The following EYA4 variants were observed in gnomAD, a reference collection of about 807,000 sequenced individuals.
EYA4 encodes protein phosphatase EYA4.
A neutral mutation model predicts 87.9 loss-of-function variants in EYA4; 31 were observed. That is an observed-to-expected ratio of 0.35 (90% CI 0.27 to 0.48). EYA4 has a LOEUF of 0.48. Ranked by LOEUF, EYA4 falls within the 20% of genes least tolerant of loss-of-function variation. The pLI, the probability that EYA4 is intolerant of heterozygous loss-of-function variation, is 0.99. For synonymous variants in EYA4, 263 were observed against 270.6 expected (o/e 0.97, Z 0.28); for missense variants, 678 against 761.4 (o/e 0.89, Z 1.29).
intron 3 of EYA4, among the ~76,000 whole-genome samples, chr6:133,406,957 A>G (rs1788760949): frequency 6.6e-6 from 1 of 152,214 alleles, no homozygotes; most frequent in African/African-American, 2.4e-5. Flanking sequence ...TTTTTCTAGA[A>G]TAAAGTAAGC....
At chr6:133,382,261 G>C (rs1343690168) in intron 2 of EYA4, 131 bp from the exon 3 acceptor site, 7 of 760,488 alleles carry the variant, frequency 9.2e-6, no homozygotes, top group African/African-American at 5.1e-5. Context: ...ACTGTATGCT[G>C]CTGCTGTAAA....
chr6:133,356,398 CAT>C (rs1784034758), intron 2 of EYA4, among the ~76,000 whole-genome samples: 1 of 152,132 alleles, frequency 6.6e-6, no homozygotes, highest in African/African-American at 2.4e-5. Context: ...TATATGAATA[CAT>C]ATTTTGATGT....
chr6:133,499,835 TCTA>T (rs892457912), intron 13 of EYA4, among the ~76,000 whole-genome samples: 1 of 151,928 alleles, frequency 6.6e-6, no homozygotes, highest in African/African-American at 2.4e-5. Context: ...AAGCCACAGT[TCTA>T]CTCAGTGATC....
intron 3 of EYA4, among the ~76,000 whole-genome samples, chr6:133,386,128 A>G (rs1786727235): frequency 6.6e-6 from 1 of 152,180 alleles, no homozygotes; most frequent in Admixed American, 6.5e-5. Flanking sequence ...AAATGAATTT[A>G]TGAGAAAAAC....
rs79469822 is a variant in EYA4, at chr6:133,400,675, A to G, written c.83+18234A>G. On this transcript the variant is annotated intron_variant, in intron 3 of 19. Transcript: ENST00000355286. ...TCCCAGTCAATTAAAGGATAGTAAT[A>G]AAGTATAAAAATTATTATTGATTAC... Among the ~76,000 whole-genome samples the G allele has an allele frequency of 6.2e-3, 936 of 151,834 alleles. 7 individuals carry two copies. Among genetic ancestry groups the G allele is most frequent in the Non-Finnish European group, 0.011 (757 of 67,988 alleles).
At chr6:133,380,875 CTCT>C (rs138894232) in intron 2 of EYA4, among the ~76,000 whole-genome samples, 2,491 of 146,558 alleles carry the variant, frequency 0.017, 85 homozygotes, top group African/African-American at 0.057. Flanking sequence ...CCTCCTCCTC[CTCT>C]TCTTCTTCTT....
chr6:133,251,826 T>C (rs1474815794), intron 1 of EYA4, among the ~76,000 whole-genome samples: 2 of 152,176 alleles, frequency 1.3e-5, no homozygotes, highest in Non-Finnish European at 2.9e-5. Flanking sequence ...TTTGATATAG[T>C]CAAAAAACTC....
chr6:133,319,961 C>T (rs1027164435), intron 2 of EYA4, among the ~76,000 whole-genome samples: 4 of 152,108 alleles, frequency 2.6e-5, no homozygotes, highest in East Asian at 1.9e-4. Flanking sequence ...AATCCACCCA[C>T]CTCAGCCTTC....
intron 5 of EYA4, among the ~76,000 whole-genome samples, chr6:133,454,177 A>G (rs1312982369): frequency 6.6e-6 from 1 of 152,190 alleles, no homozygotes; most frequent in African/African-American, 2.4e-5. Flanking sequence ...AATTAGTATA[A>G]TAAAGCTACT....
At chr6:133,255,240 GT>G (rs552390371) in intron 1 of EYA4, among the ~76,000 whole-genome samples, 2,232 of 148,066 alleles carry the variant, frequency 0.015, 48 homozygotes, top group African/African-American at 0.052. Context: ...GCTAAAGCAA[GT>G]TTTTTTTTTT....
In EYA4 at chr6:133,328,727, C is replaced by A. The variant is rs1427001811; in HGVS notation, c.34-53665C>A. ...CAAACAAACAAACAAAAAAACCAGA[C>A]AAATGTATATATAAAGGGTTGTCTC... On this transcript the variant is annotated intron_variant, in intron 2 of 19. Coordinates refer to ENST00000355286, the MANE Select transcript of EYA4 (RefSeq NM_004100.5). Among the ~76,000 whole-genome samples the A allele has an allele frequency of 5.9e-5, 9 of 151,718 alleles. No individual in the cohort carries two copies. The South Asian group carries it at 1.9e-3, about 31-fold the overall frequency.
intron 1 of EYA4, among the ~76,000 whole-genome samples, chr6:133,273,845 T>A (rs1311156860): frequency 6.6e-6 from 1 of 152,054 alleles, no homozygotes; most frequent in East Asian, 1.9e-4. Context: ...CCCATTGTGT[T>A]TGGTATTTGC....
At chr6:133,499,297 G>A (rs372430876) in intron 13 of EYA4, among the ~76,000 whole-genome samples, 1 of 152,098 alleles carries the variant, frequency 6.6e-6, no homozygotes, top group Non-Finnish European at 1.5e-5. Context: ...GCCTCGTGAG[G>A]TGTGTGTATT....
chr6:133,465,216 T>A (rs1250451557), intron 10 of EYA4, among the ~76,000 whole-genome samples: 2 of 152,136 alleles, frequency 1.3e-5, no homozygotes, highest in African/African-American at 2.4e-5. Flanking sequence ...ATTAATTGGT[T>A]GAATCAATAT....
intron 3 of EYA4, among the ~76,000 whole-genome samples, chr6:133,411,520 A>G (rs1789230703): frequency 6.6e-6 from 1 of 151,624 alleles, no homozygotes; most frequent in African/African-American, 2.4e-5. Flanking sequence ...GGCACATTTA[A>G]TTTTCCATAT....
chr6:133,498,547 A>G (rs889510382), intron 13 of EYA4, among the ~76,000 whole-genome samples: 3 of 152,222 alleles, frequency 2.0e-5, no homozygotes, highest in Admixed American at 6.5e-5. Flanking sequence ...CTGTTATTTT[A>G]CCTCATAATA....
chr6:133,419,211 C>T (rs947276022), intron 3 of EYA4, among the ~76,000 whole-genome samples: 1 of 152,202 alleles, frequency 6.6e-6, no homozygotes, highest in Non-Finnish European at 1.5e-5. Context: ...AACTCATGAA[C>T]AGTGTGTCAG....
chr6:133,520,456 C>G (rs1373675349), intron 17 of EYA4, among the ~76,000 whole-genome samples: 1 of 115,414 alleles, frequency 8.7e-6, no homozygotes, highest in African/African-American at 3.0e-5. Context: ...TCAAGGAGAA[C>G]TACAAAACAC....
chr6:133,353,463 G>T (rs1204031729), intron 2 of EYA4, among the ~76,000 whole-genome samples: 1 of 152,034 alleles, frequency 6.6e-6, no homozygotes, highest in Admixed American at 6.6e-5. Flanking sequence ...GATATTTTTT[G>T]AACATTTCTT....
Sources: allele counts gnomAD v4.1 joint callset (sites outside exome capture counted in the v4.1 genomes callset), GRCh38; gene constraint gnomAD v4.1.1; transcripts MANE v1.5; gene names NCBI Gene and HGNC (gene_info 2026-07-23, HGNC 2026-07-21).